Variants in KATNAL2 observed in about 807,000 individuals in gnomAD.
KATNAL2 encodes katanin p60 ATPase-containing subunit A-like 2.
KATNAL2 carries 52 observed loss-of-function variants against 76.3 expected under a neutral mutation model. The ratio of observed to expected loss-of-function variants is 0.68; its 90% confidence interval spans 0.55 to 0.86. KATNAL2 has a LOEUF of 0.86. Among genes scored for constraint, KATNAL2 ranks in the 40% least tolerant of loss-of-function variants. The pLI, the probability that KATNAL2 is intolerant of heterozygous loss-of-function variation, is 0.00. For synonymous variants in KATNAL2, 243 were observed against 244.2 expected (o/e 1.00, Z 0.05); for missense variants, 660 against 668.9 (o/e 0.99, Z 0.15).
At chr18:46,921,196 C>T (rs751984000) in intron 1 of KATNAL2, among the ~76,000 whole-genome samples, 19 of 152,300 alleles carry the variant, frequency 1.2e-4, no homozygotes, top group Admixed American at 1.0e-3. Flanking sequence ...GGCACGATCT[C>T]GGCTCACTGC....
At chr18:47,034,001 C>T (rs2060627705) in intron 3 of KATNAL2, 3 of 1,613,966 alleles carry the variant, frequency 1.9e-6, no homozygotes, top group Non-Finnish European at 2.5e-6. Context: ...TCCCAGGACT[C>T]ACGAGTGCCC....
At chr18:46,922,591 C>T (rs2058601172) in intron 1 of KATNAL2, among the ~76,000 whole-genome samples, 3 of 151,904 alleles carry the variant, frequency 2.0e-5, no homozygotes, top group East Asian at 1.9e-4. Context: ...GTCGGGAGTT[C>T]GAGACTAGCC....
chr18:47,100,942 G>A lies in KATNAL2; in HGVS notation c.1554G>A (p.Lys518=), dbSNP rs372300818. 1.2e-6 allele frequency: 2 copies of A among 1,613,998 alleles called. No individual in the cohort carries two copies. Among genetic ancestry groups the A allele is most frequent in the Non-Finnish European group, 1.7e-6 (2 of 1,180,032 alleles). The change falls in exon 18 of 18, where the codon AAG becomes AAA. Residue 518 remains lysine (K), a synonymous_variant. Coordinates refer to ENST00000683218, the MANE Select transcript of KATNAL2 (RefSeq NM_001387690.1). ...ADFLDVLTHT[K]PSAKNLAQRY... ...TTCTGGATGTGCTAACTCACACCAAGCCCTCCGCAAAGAATCTGGCTCAGA... is the reference window on the plus strand; with the variant it reads ...TTCTGGATGTGCTAACTCACACCAAACCCTCCGCAAAGAATCTGGCTCAGA...
chr18:47,063,035 G>C lies in KATNAL2; in HGVS notation c.613G>C (p.Ala205Pro). Residue 205 changes from alanine (A) to proline (P), a missense_variant, in exon 9 of 18, where the codon GCC (alanine) becomes CCC (proline). Ala to Pro is a conservative substitution (Grantham distance 27). Transcript: ENST00000683218. ...DAIKGATSEL[A>P]LNTFDHNPDP... ...CATCAAGGGAGCAACCAGTGAACTT[G>C]CCTTGAACACCTTCGACCATAATCC... The C allele has an allele frequency of 6.2e-7, 1 of 1,614,134 alleles. No homozygotes were observed. Among genetic ancestry groups the C allele is most frequent in the Non-Finnish European group, 8.5e-7 (1 of 1,180,014 alleles).
intron 3 of KATNAL2, among the ~76,000 whole-genome samples, chr18:47,031,330 T>G (rs1394941355): frequency 6.6e-6 from 1 of 152,104 alleles, no homozygotes; most frequent in African/African-American, 2.4e-5. Context: ...CCATTTGAAA[T>G]ATGTATGTTT....
intron 4 of KATNAL2, among the ~76,000 whole-genome samples, chr18:47,049,364 A>G (rs1269575503): frequency 6.6e-6 from 1 of 152,198 alleles, no homozygotes; most frequent in Non-Finnish European, 1.5e-5. Context: ...CTTAATACCC[A>G]ACTTGGTTCA....
chr18:47,066,894 A>ATAT (rs2061831252), intron 10 of KATNAL2, 127 bp from the exon 11 acceptor site: 2 of 55,044 alleles, frequency 3.6e-5, no homozygotes, highest in Non-Finnish European at 8.2e-5. Flanking sequence ...TATATATATA[A>ATAT]TATGAACAGT....
intron 15 of KATNAL2, among the ~76,000 whole-genome samples, chr18:47,091,763 G>C (rs914611037): frequency 1.3e-5 from 2 of 152,164 alleles, no homozygotes; most frequent in African/African-American, 4.8e-5. Context: ...GCATTCTGGA[G>C]GGTTCTGGAC....
intron 15 of KATNAL2, among the ~76,000 whole-genome samples, chr18:47,090,877 C>T (rs1257526069): frequency 1.3e-5 from 2 of 152,182 alleles, no homozygotes; most frequent in East Asian, 1.9e-4. Flanking sequence ...ACAAAGTACC[C>T]TTCAATGCTT....
chr18:46,931,717 A>G (rs2058928757), intron 1 of KATNAL2, among the ~76,000 whole-genome samples: 1 of 151,616 alleles, frequency 6.6e-6, no homozygotes, highest in Admixed American at 6.6e-5. Flanking sequence ...AGAGAAAGAG[A>G]GAAAAAAGAG....
At chr18:46,930,160 CA>C (rs1399062974) in intron 1 of KATNAL2, among the ~76,000 whole-genome samples, 1 of 152,174 alleles carries the variant, frequency 6.6e-6, no homozygotes, top group East Asian at 1.9e-4. Context: ...TTTCAATGAT[CA>C]AATATTTTTG....
chr18:46,929,405 G>A (rs1239472855), intron 1 of KATNAL2, among the ~76,000 whole-genome samples: 3 of 151,898 alleles, frequency 2.0e-5, no homozygotes, highest in Non-Finnish European at 4.4e-5. Context: ...ACCATGCCCA[G>A]CAAATTGTTG....
At chr18:47,098,221 CAA>C (rs35678878) in intron 15 of KATNAL2, 1,192 of 304,580 alleles carry the variant, frequency 3.9e-3, no homozygotes, top group South Asian at 7.0e-3. Context: ...GACTCCGTCT[CAA>C]AAAAAAAAAA....
At chr18:46,953,419 C>T (rs1343778152) in intron 3 of KATNAL2, among the ~76,000 whole-genome samples, 6 of 152,098 alleles carry the variant, frequency 3.9e-5, no homozygotes, top group Non-Finnish European at 8.8e-5. Context: ...GCAGGCGGAG[C>T]GCTTGAGGCC....
chr18:47,089,523 G>C (rs1203617738), intron 15 of KATNAL2, among the ~76,000 whole-genome samples: 1 of 152,114 alleles, frequency 6.6e-6, no homozygotes, highest in African/African-American at 2.4e-5. Context: ...TGAACTGATA[G>C]CTGCAGACTC....
chr18:47,035,473 G>T lies in KATNAL2; in HGVS notation c.52-10984G>T, dbSNP rs1020487861. On this transcript the variant is annotated intron_variant, in intron 3 of 17. Coordinates refer to ENST00000683218, the MANE Select transcript of KATNAL2 (RefSeq NM_001387690.1). Reference sequence around the variant, plus strand: ...GCCGTCCTTGCAGACAGCTGAGCAGGCCCGCTTTTGTTCCTCGGGATGTGG... The same window carrying T: ...GCCGTCCTTGCAGACAGCTGAGCAGTCCCGCTTTTGTTCCTCGGGATGTGG... The T allele has an allele frequency of 6.5e-6, 7 of 1,071,788 alleles. 1 individual carries two copies. The South Asian group carries it at 1.2e-4, about 18-fold the overall frequency. 66.4% of individuals were successfully genotyped at this position (1,071,788 alleles called of 1,614,324 possible).
At chr18:46,937,715 G>A (rs2059133826) in intron 1 of KATNAL2, among the ~76,000 whole-genome samples, 1 of 152,102 alleles carries the variant, frequency 6.6e-6, no homozygotes, top group Non-Finnish European at 1.5e-5. Context: ...CATGTACAAG[G>A]ATATTTATTG....
intron 1 of KATNAL2, among the ~76,000 whole-genome samples, chr18:46,924,591 A>C (rs1046675219): frequency 4.6e-5 from 7 of 152,170 alleles, no homozygotes; most frequent in African/African-American, 1.7e-4. Context: ...ACTTTAAAGT[A>C]GTTTTTTTCT....
intron 3 of KATNAL2, chr18:47,033,985 G>C (rs1428889308): frequency 6.2e-7 from 1 of 1,613,632 alleles, no homozygotes; most frequent in Non-Finnish European, 8.5e-7. Flanking sequence ...CAATTTCTTA[G>C]CCGAATCCCA....
Sources: gnomAD v4.1 joint callset for allele counts (sites outside exome capture counted in the v4.1 genomes callset) on GRCh38, gnomAD v4.1.1 for gene constraint, MANE v1.5 for transcripts, NCBI Gene and HGNC (gene_info 2026-07-23, HGNC 2026-07-21) for gene names.